Variants in CCDC85C observed in about 807,000 individuals in gnomAD.
CCDC85C encodes the protein coiled-coil domain-containing protein 85C.
CCDC85C carries 18 observed loss-of-function variants against 38.3 expected under a neutral mutation model. The ratio of observed to expected loss-of-function variants is 0.47; its 90% confidence interval spans 0.33 to 0.70. The LOEUF is 0.70. Ranked by LOEUF, CCDC85C falls within the 30% of genes least tolerant of loss-of-function variation. The pLI is 0.03. For missense variants in CCDC85C, 566 were observed against 621.2 expected (o/e 0.91, Z 0.94); for synonymous variants, 264 against 293.8 (o/e 0.90, Z 1.04).
intron 1 of CCDC85C, among the ~76,000 whole-genome samples, chr14:99,561,352 C>A (rs536348495): frequency 2.0e-5 from 3 of 152,316 alleles, no homozygotes; most frequent in East Asian, 3.9e-4. Flanking sequence ...TTCCTACAAA[C>A]CCATGTCACA....
In CCDC85C at chr14:99,515,388, G is replaced by A. The variant is rs541155177; in HGVS notation, c.1171-53C>T. On this transcript the variant is annotated intron_variant, in intron 5 of 5. Transcript: ENST00000380243. The stretch of plus-strand genomic sequence containing the variant: ...TGGGACTCACCCGCGTCCACCTGCC[G>A]CCTATGCACATCCGCCGCCTCATCA... 190 of 1,334,662 alleles carry A rather than the reference G, an allele frequency of 1.4e-4. 1 individual carries two copies. The Admixed American group carries it at 2.3e-3, about 16-fold the overall frequency. The allele number at this position is 1,334,662 out of a possible 1,614,324, so 82.7% of individuals were successfully genotyped here.
intron 1 of CCDC85C, among the ~76,000 whole-genome samples, chr14:99,551,570 C>CAGGTGAGTGAGCAGGTGGGTGAG (rs1307122528): frequency 7.2e-6 from 1 of 138,780 alleles, no homozygotes; most frequent in Non-Finnish European, 1.5e-5. Context: ...GGTGGGTGTG[C>CAGGTGAGTGAGCAGGTGGGTGAG]AGGTGAGTGA....
intron 1 of CCDC85C, among the ~76,000 whole-genome samples, chr14:99,589,556 G>A (rs150444522): frequency 6.6e-6 from 1 of 152,286 alleles, no homozygotes; most frequent in African/African-American, 2.4e-5. Flanking sequence ...CCTGAGTCAT[G>A]GACCACTTTG....
At chr14:99,601,097 C>G (rs1162268247) in intron 1 of CCDC85C, among the ~76,000 whole-genome samples, 1 of 152,200 alleles carries the variant, frequency 6.6e-6, no homozygotes, top group Non-Finnish European at 1.5e-5. Flanking sequence ...TCCAAGCCTT[C>G]CATTTACATT....
intron 1 of CCDC85C, among the ~76,000 whole-genome samples, chr14:99,543,141 C>T (rs1263325874): frequency 2.6e-5 from 4 of 152,150 alleles, no homozygotes; most frequent in African/African-American, 4.8e-5. Context: ...GAGAAAGCAG[C>T]GGCTGAACAG....
chr14:99,550,683 C>G (rs903647559), intron 1 of CCDC85C, among the ~76,000 whole-genome samples: 4 of 152,338 alleles, frequency 2.6e-5, no homozygotes, highest in African/African-American at 9.6e-5. Context: ...CTCCGAAAGC[C>G]CTGGCATAGG....
At chr14:99,562,471 T>G (rs1566774745) in intron 1 of CCDC85C, among the ~76,000 whole-genome samples, 2 of 152,184 alleles carry the variant, frequency 1.3e-5, no homozygotes, top group African/African-American at 4.8e-5. Context: ...CCACCCTCAC[T>G]GTACAGGCAC....
At chr14:99,602,819 G>A (rs949351788) in intron 1 of CCDC85C, among the ~76,000 whole-genome samples, 2 of 152,154 alleles carry the variant, frequency 1.3e-5, no homozygotes, top group African/African-American at 4.8e-5. Context: ...AGAACTTCCC[G>A]CTACTAGGCA....
At chr14:99,567,257 G>A (rs949190366) in intron 1 of CCDC85C, among the ~76,000 whole-genome samples, 1 of 152,296 alleles carries the variant, frequency 6.6e-6, no homozygotes, top group Middle Eastern at 3.4e-3. Flanking sequence ...GCCAGGCACG[G>A]TCTATACACT....
Position 99,512,298 on chromosome 14 carries a change from A to G in CCDC85C, c.*2948T>C, listed in dbSNP as rs2139891051. The G allele has an allele frequency of 6.6e-6, 1 of 152,120 alleles. No homozygotes were observed. Among genetic ancestry groups the G allele is most frequent in the South Asian group, 2.1e-4 (1 of 4,808 alleles). The allele number at this position is 152,120 out of a possible 1,614,324, so 9.4% of individuals were successfully genotyped here. On this transcript the variant is annotated 3_prime_UTR_variant, in exon 6 of 6. Coordinates refer to ENST00000380243, the MANE Select transcript of CCDC85C (RefSeq NM_001144995.2). The stretch of plus-strand genomic sequence containing the variant: ...CTGTGGCACCTTCTACAGAAAATAG[A>G]CGTAGCTGCCGGGCCCGGGGACAGA...
intron 1 of CCDC85C, among the ~76,000 whole-genome samples, chr14:99,546,068 A>C (rs1228658502): frequency 6.7e-6 from 1 of 150,114 alleles, no homozygotes; most frequent in African/African-American, 2.5e-5. Context: ...GGGGGGGGGG[A>C]ATAAACAACC....
In CCDC85C at chr14:99,563,289, C is replaced by A. The variant is rs1000175936; in HGVS notation, c.794-27201G>T. Among the ~76,000 whole-genome samples the A allele has an allele frequency of 2.0e-5, 3 of 152,380 alleles. No homozygotes were observed. In the South Asian group the frequency reaches 6.2e-4, roughly 32 times the overall value. On this transcript the variant is annotated intron_variant, in intron 1 of 5. Transcript: ENST00000380243. Reference sequence around the variant, plus strand: ...TCGGGCCTGGGCCCCTGCCCTGCCGCGTTCCATCCTTTGTATGGTCAACAA... The same window carrying A: ...TCGGGCCTGGGCCCCTGCCCTGCCGAGTTCCATCCTTTGTATGGTCAACAA...
chr14:99,582,292 C>T (rs908806416), intron 1 of CCDC85C, among the ~76,000 whole-genome samples: 5 of 152,118 alleles, frequency 3.3e-5, no homozygotes, highest in Admixed American at 1.3e-4. Flanking sequence ...GTCCACACCA[C>T]GGAACAAGCA....
At chr14:99,579,941 C>T (rs1418806043) in intron 1 of CCDC85C, 2 of 414,506 alleles carry the variant, frequency 4.8e-6, no homozygotes, top group African/African-American at 4.1e-5. Flanking sequence ...CAGTCCAAGA[C>T]TTTGGGAGTC....
intron 1 of CCDC85C, among the ~76,000 whole-genome samples, chr14:99,592,295 C>T (rs1030942243): frequency 1.3e-5 from 2 of 152,092 alleles, no homozygotes; most frequent in Non-Finnish European, 2.9e-5. Context: ...TCTGAGGGGT[C>T]GTGGGTTAGG....
In CCDC85C at chr14:99,523,163, CCAAA is replaced by C. The variant is rs1176770596; in HGVS notation, c.868-927_868-924del. On this transcript the variant is annotated intron_variant, in intron 2 of 5. Transcript: ENST00000380243. ...ATAAATCAGCAGGCTGTTGAGTTAC[CCAAA>C]CAAACTGCAGGGGCAGGGGAGGCCC... 7.9e-5 allele frequency among the ~76,000 whole-genome samples: 12 copies of C among 152,184 alleles called. No individual in the cohort carries two copies. The South Asian group carries it at 1.7e-3, about 21-fold the overall frequency.
rs1311606299 is a variant in CCDC85C at position 99,503,678 on chromosome 14, T to C, written c.*11568A>G. The C allele has an allele frequency of 5.9e-6, 9 of 1,515,806 alleles. No individual in the cohort carries two copies. Among genetic ancestry groups the C allele is most frequent in the Non-Finnish European group, 7.2e-6 (8 of 1,117,852 alleles). The allele number at this position is 1,515,806 out of a possible 1,614,324, so 93.9% of individuals were successfully genotyped here. On this transcript the variant is annotated 3_prime_UTR_variant, in exon 6 of 6. Transcript: ENST00000380243. ...CTGTTCTGATGTTTTTTTAGTTTTA[T>C]GTGTTTATATGCAAAACTTTAAATT... is the stretch of plus-strand genomic sequence containing the variant.
intron 1 of CCDC85C, among the ~76,000 whole-genome samples, chr14:99,590,556 C>T (rs1449962587): frequency 6.6e-6 from 1 of 152,082 alleles, no homozygotes; most frequent in Non-Finnish European, 1.5e-5. Flanking sequence ...ATTGCATTTC[C>T]AGAATAAGGC....
intron 1 of CCDC85C, among the ~76,000 whole-genome samples, chr14:99,566,705 A>C (rs1334040040): frequency 1.3e-5 from 2 of 152,190 alleles, no homozygotes. Flanking sequence ...GCCTGTAAGC[A>C]AACTCTGCCC....
Sources: allele counts gnomAD v4.1 joint callset (sites outside exome capture counted in the v4.1 genomes callset), GRCh38; gene constraint gnomAD v4.1.1; transcripts MANE v1.5; gene names NCBI Gene and HGNC (gene_info 2026-07-23, HGNC 2026-07-21).